Variants in CLCN3 observed in about 807,000 individuals in gnomAD.
The protein encoded by CLCN3 is H(+)/Cl(-) exchange transporter 3.
In CLCN3, 16 loss-of-function variants were observed where a neutral mutation model predicts 83.4. That is an observed-to-expected ratio of 0.19 (90% CI 0.13 to 0.29). CLCN3 has a LOEUF of 0.29. CLCN3 is among the 10% of genes least tolerant of loss of function. CLCN3 has a pLI of 1.00. For missense variants in CLCN3, 544 were observed against 1,006.0 expected, an observed-to-expected ratio of 0.54 and a Z score of 6.21; for synonymous variants, 322 against 346.2, an observed-to-expected ratio of 0.93 and a Z score of 0.78.
At chr4:169,709,394 A>T (rs1355737682) in intron 11 of CLCN3, among the ~76,000 whole-genome samples, 1 of 151,894 alleles carries the variant, frequency 6.6e-6, no homozygotes, top group Non-Finnish European at 1.5e-5. Context: ...AAAAAAAAAA[A>T]AGTCTGAGGC....
At chr4:169,708,437 A>G (rs911095408) in intron 11 of CLCN3, among the ~76,000 whole-genome samples, 1 of 152,140 alleles carries the variant, frequency 6.6e-6, no homozygotes, top group South Asian at 2.1e-4. Context: ...TAGCTAATAC[A>G]ATAGTAGTTG....
In CLCN3 at chr4:169,690,415, G is replaced by T; in HGVS notation, c.607-115G>T. 3.7e-6 allele frequency: 4 copies of T among 1,069,272 alleles called. No homozygotes were observed. The South Asian group carries it at 4.8e-5, about 13-fold the overall frequency. The allele number at this position is 1,069,272 out of a possible 1,614,324, so 66.2% of individuals were successfully genotyped here. A position where few individuals can be genotyped will look rare whatever the true frequency, so the allele number is the denominator to read the frequency against. ...CCCGCCTCAACCTCCCCAGTGCTGGGATTACAGGCGTGAGCCACCATGCCT... is the reference window on the plus strand; with the variant it reads ...CCCGCCTCAACCTCCCCAGTGCTGGTATTACAGGCGTGAGCCACCATGCCT... On this transcript the variant is annotated intron_variant, in intron 5 of 12. Transcript: ENST00000513761.
At chr4:169,692,848 A>C (rs1732422401) in intron 7 of CLCN3, among the ~76,000 whole-genome samples, 1 of 152,186 alleles carries the variant, frequency 6.6e-6, no homozygotes, top group African/African-American at 2.4e-5. Context: ...AATCCTTTTC[A>C]TTTGATTGTT....
chr4:169,656,264 G>A (rs1730880219), intron 2 of CLCN3, among the ~76,000 whole-genome samples: 1 of 152,192 alleles, frequency 6.6e-6, no homozygotes, highest in Non-Finnish European at 1.5e-5. Flanking sequence ...TCTGCACGCT[G>A]TACGCGAAGC....
In CLCN3 at chr4:169,701,485, G is replaced by A. The variant is rs180773251; in HGVS notation, c.1564-2513G>A. 2.6e-5 allele frequency among the ~76,000 whole-genome samples: 4 copies of A among 152,202 alleles called. No individual in the cohort carries two copies. The East Asian group carries it at 5.8e-4, about 22-fold the overall frequency. On this transcript the variant is annotated intron_variant, in intron 9 of 12. Coordinates refer to ENST00000513761, the MANE Select transcript of CLCN3 (RefSeq NM_001829.4). The stretch of plus-strand genomic sequence containing the variant: ...CCATGAAACGTGAATGTTCTGGATG[G>A]CATCTAGAATGGTGACTACTTTTTG...
chr4:169,667,076 A>G (rs1464603049), intron 2 of CLCN3, among the ~76,000 whole-genome samples: 4 of 152,172 alleles, frequency 2.6e-5, no homozygotes, highest in African/African-American at 7.2e-5. Context: ...TCATATCTAA[A>G]AAACCTGCCT....
chr4:169,658,743 A>T (rs1439389672), intron 2 of CLCN3, among the ~76,000 whole-genome samples: 1 of 152,006 alleles, frequency 6.6e-6, no homozygotes, highest in African/African-American at 2.4e-5. Flanking sequence ...ATCACCTACT[A>T]TCCTATCAAA....
intron 4 of CLCN3, among the ~76,000 whole-genome samples, chr4:169,688,488 A>AT: frequency 1.3e-5 from 2 of 152,300 alleles, no homozygotes; most frequent in African/African-American, 4.8e-5. Context: ...ATTGGCATGC[A>AT]TAGTAATTTT....
At chr4:169,692,070 T>A in intron 6 of CLCN3, 44 bp from the exon 7 acceptor site, 1 of 1,207,544 alleles carries the variant, frequency 8.3e-7, no homozygotes, top group Non-Finnish European at 1.2e-6. Context: ...TACATTCTCA[T>A]GTTTCTTAAA....
At chr4:169,699,463 T>C (rs1732691951) in intron 9 of CLCN3, among the ~76,000 whole-genome samples, 1 of 152,236 alleles carries the variant, frequency 6.6e-6, no homozygotes. Context: ...GATGTGCTTT[T>C]ACAGATGTAA....
intron 3 of CLCN3, among the ~76,000 whole-genome samples, chr4:169,687,432 T>A (rs1382688078): frequency 6.6e-6 from 1 of 152,208 alleles, no homozygotes; most frequent in Admixed American, 6.5e-5. Context: ...GAAAAAAAAT[T>A]TTTTAATAAA....
At position 169,697,612 on chromosome 4, in the gene CLCN3, A is replaced by G. The variant is rs776565829; in HGVS notation, c.1441A>G (p.Ser481Gly). The G allele has an allele frequency of 7.4e-6, 12 of 1,614,208 alleles. No homozygotes were observed. Among genetic ancestry groups the G allele is most frequent in the Non-Finnish European group, 1.0e-5 (12 of 1,180,010 alleles). ...TGACTACAGAAATGACATGAATGCC[A>G]GTAAAATTGTCGATGACATTCCTGA... ...LCDYRNDMNA[S>G]KIVDDIPDRP... The change falls in exon 9 of 13, where the codon AGT becomes GGT. Residue 481 changes from serine to glycine, a missense_variant. Ser to Gly is a moderately conservative substitution (Grantham distance 56, BLOSUM62 0). Coordinates refer to ENST00000513761, the MANE Select transcript of CLCN3 (RefSeq NM_001829.4).
intron 2 of CLCN3, among the ~76,000 whole-genome samples, chr4:169,652,158 A>G (rs912156670): frequency 7.2e-5 from 11 of 152,204 alleles, no homozygotes; most frequent in African/African-American, 2.7e-4. Flanking sequence ...AAGCATAACC[A>G]TATTCCAGAA....
intron 3 of CLCN3, among the ~76,000 whole-genome samples, chr4:169,685,143 ATT>A (rs551289974): frequency 1.0e-3 from 159 of 152,144 alleles, no homozygotes; most frequent in African/African-American, 3.8e-3. Flanking sequence ...CACCAAAGTT[ATT>A]TATACAAATT....
chr4:169,697,848 GTT>G (rs1295953619), intron 9 of CLCN3, 114 bp downstream of exon 9: 4 of 719,610 alleles, frequency 5.6e-6, no homozygotes, highest in Non-Finnish European at 9.3e-6. Context: ...TATCTTTTGA[GTT>G]TAATTTTAAG....
intron 1 of CLCN3, among the ~76,000 whole-genome samples, chr4:169,631,075 G>A (rs1456678370): frequency 6.6e-6 from 1 of 152,182 alleles, no homozygotes; most frequent in Non-Finnish European, 1.5e-5. Flanking sequence ...CATTCCCACT[G>A]ACAGTGTATA....
intron 3 of CLCN3, among the ~76,000 whole-genome samples, chr4:169,681,152 G>A (rs1186288865): frequency 3.9e-5 from 6 of 152,228 alleles, no homozygotes; most frequent in Admixed American, 1.3e-4. Flanking sequence ...AGGTTCAAGC[G>A]ATTCTTGTAC....
chr4:169,720,180 T>G lies in CLCN3; in HGVS notation c.*183T>G. 1 of 835,864 alleles carries G rather than the reference T, an allele frequency of 1.2e-6. No individual in the cohort carries two copies. Among genetic ancestry groups the G allele is most frequent in the Non-Finnish European group, 1.9e-6 (1 of 531,028 alleles). The allele number at this position is 835,864 out of a possible 1,614,324, so 51.8% of individuals were successfully genotyped here. A position where few individuals can be genotyped will look rare whatever the true frequency, so the allele number is the denominator to read the frequency against. On this transcript the variant is annotated 3_prime_UTR_variant, in exon 13 of 13. Transcript: ENST00000513761. ...ATGCTGGTGGAATGGAGGAGTTGTTTGGGGAGGGAAAGGAGAGAGAAGGAA... is the reference window on the plus strand; with the variant it reads ...ATGCTGGTGGAATGGAGGAGTTGTTGGGGGAGGGAAAGGAGAGAGAAGGAA...
intron 2 of CLCN3, among the ~76,000 whole-genome samples, chr4:169,648,555 C>G (rs1581204857): frequency 6.6e-6 from 1 of 152,262 alleles, no homozygotes; most frequent in Non-Finnish European, 1.5e-5. Context: ...GTATTTCACT[C>G]AGCAAATAAT....
Sources: gnomAD v4.1 joint callset for allele counts (sites outside exome capture counted in the v4.1 genomes callset) on GRCh38, gnomAD v4.1.1 for gene constraint, MANE v1.5 for transcripts, NCBI Gene and HGNC (gene_info 2026-07-23, HGNC 2026-07-21) for gene names.